The following FRMPD4 variants were observed in gnomAD, a reference collection of about 807,000 sequenced individuals.
The protein encoded by FRMPD4 is FERM and PDZ domain-containing protein 4.
In FRMPD4, 22 loss-of-function variants were observed where a neutral mutation model predicts 94.1. The observed-to-expected ratio is 0.23, with a 90% CI of 0.17 to 0.33. The LOEUF (loss-of-function observed/expected upper bound fraction) is 0.33, where lower values mean the gene tolerates loss of function less well. FRMPD4 is among the 10% of genes least tolerant of loss of function. The pLI is 1.00. For synonymous variants in FRMPD4, 631 were observed against 548.6 expected (o/e 1.15, Z -2.10); for missense variants, 1,111 against 1,339.9 (o/e 0.83, Z 2.67).
At chrX:12,490,366 G>A (rs1363934646) in intron 1 of FRMPD4, among the ~76,000 whole-genome samples, 1 of 110,775 alleles carries the variant, frequency 9.0e-6, no homozygotes, top group African/African-American at 3.3e-5. Context: ...TGGGGGACAC[G>A]CTCAAACCAT....
chrX:12,064,842 A>G (rs1437820953), intron 3 of FRMPD4, among the ~76,000 whole-genome samples: 2 of 112,304 alleles, frequency 1.8e-5, no homozygotes, highest in Admixed American at 9.5e-5. Context: ...TCAGTGGATT[A>G]ATATAACAGT....
chrX:12,322,190 T>C, intron 1 of FRMPD4, among the ~76,000 whole-genome samples: 1 of 111,847 alleles, frequency 8.9e-6, no homozygotes, highest in Non-Finnish European at 1.9e-5. Context: ...TTCTCTATCC[T>C]GGTCAGGAAA....
chrX:12,413,615 C>T (rs2056762634), intron 1 of FRMPD4, among the ~76,000 whole-genome samples: 2 of 112,148 alleles, frequency 1.8e-5, no homozygotes, highest in Middle Eastern at 4.6e-3. Context: ...AAGGAGTGCA[C>T]TCTGATGGAG....
intron 2 of FRMPD4, among the ~76,000 whole-genome samples, chrX:12,582,985 C>A (rs1189546327): frequency 8.9e-6 from 1 of 112,208 alleles, no homozygotes; most frequent in African/African-American, 3.2e-5. Flanking sequence ...AACTCGCCTG[C>A]CTTCCCTCTC....
chrX:12,715,232 C>A (rs2042057101), intron 14 of FRMPD4, among the ~76,000 whole-genome samples: 1 of 112,142 alleles, frequency 8.9e-6, no homozygotes, highest in Non-Finnish European at 1.9e-5. Context: ...GCTTGAAGAG[C>A]AAACAAAATA....
At chrX:11,949,056 G>A (rs1332906138) in intron 3 of FRMPD4, among the ~76,000 whole-genome samples, 1 of 112,127 alleles carries the variant, frequency 8.9e-6, no homozygotes, top group Non-Finnish European at 1.9e-5. Context: ...AAAGCTCCTA[G>A]AATCTTCTTC....
chrX:12,468,450 T>A (rs1166630259), intron 1 of FRMPD4, among the ~76,000 whole-genome samples: 1 of 111,533 alleles, frequency 9.0e-6, no homozygotes, highest in Non-Finnish European at 1.9e-5. Flanking sequence ...ATATCCCAAT[T>A]TGATGTTACC....
chrX:12,174,296 C>T (rs1215558467), intron 1 of FRMPD4, among the ~76,000 whole-genome samples: 1 of 111,458 alleles, frequency 9.0e-6, no homozygotes, highest in Non-Finnish European at 1.9e-5. Flanking sequence ...ATTTTTTCAA[C>T]CAATTAAAAG....
At chrX:12,364,873 T>C (rs73632681) in intron 1 of FRMPD4, among the ~76,000 whole-genome samples, 1,769 of 112,234 alleles carry the variant, frequency 0.016, 32 homozygotes, top group African/African-American at 0.054. Flanking sequence ...ATTGGTTGGT[T>C]GATTCCTTTC....
intron 3 of FRMPD4, among the ~76,000 whole-genome samples, chrX:12,004,886 T>C (rs1198455057): frequency 1.8e-5 from 2 of 111,044 alleles, no homozygotes; most frequent in Non-Finnish European, 1.9e-5. Flanking sequence ...TTGCATTATG[T>C]AGATCTTTAA....
At chrX:12,377,482 T>A (rs1358410435) in intron 1 of FRMPD4, among the ~76,000 whole-genome samples, 1 of 112,145 alleles carries the variant, frequency 8.9e-6, no homozygotes, top group East Asian at 2.8e-4. Flanking sequence ...CCTGTTTTCC[T>A]GGATCCTTTC....
intron 4 of FRMPD4, among the ~76,000 whole-genome samples, chrX:12,618,690 C>T (rs969962526): frequency 1.8e-5 from 2 of 110,956 alleles, no homozygotes; most frequent in African/African-American, 6.6e-5. Context: ...CGAATCACAA[C>T]CTCAAAATTT....
At chrX:12,644,553 C>T (rs1341657556) in intron 4 of FRMPD4, among the ~76,000 whole-genome samples, 1 of 111,262 alleles carries the variant, frequency 9.0e-6, no homozygotes, top group Non-Finnish European at 1.9e-5. Context: ...GGGAGTGTCT[C>T]TGAAGCAAGA....
chrX:12,074,851 T>C (rs1319359194), intron 3 of FRMPD4, among the ~76,000 whole-genome samples: 1 of 112,474 alleles, frequency 8.9e-6, no homozygotes, highest in African/African-American at 3.2e-5. Context: ...TGTTCAGAGA[T>C]ATTCTTTCCC....
At chrX:12,177,504 AC>A (rs1352679647) in intron 1 of FRMPD4, among the ~76,000 whole-genome samples, 3 of 112,459 alleles carry the variant, frequency 2.7e-5, no homozygotes, top group Non-Finnish European at 5.6e-5. Context: ...AATGAAGGTT[AC>A]TGCTTATATA....
chrX:11,949,032 A>G (rs2054206013), intron 3 of FRMPD4, among the ~76,000 whole-genome samples: 1 of 112,162 alleles, frequency 8.9e-6, no homozygotes, highest in African/African-American at 3.2e-5. Context: ...CTAGAATTTA[A>G]TGAGATGTTC....
intron 3 of FRMPD4, among the ~76,000 whole-genome samples, chrX:11,896,274 C>A (rs756563182): frequency 8.9e-6 from 1 of 112,280 alleles, no homozygotes; most frequent in Non-Finnish European, 1.9e-5. Flanking sequence ...CTTTTCACCC[C>A]CCGCAGTGCC....
Position 12,601,669 on chromosome X carries a change from TG to T in FRMPD4, c.159-8051del, listed in dbSNP as rs199774672. On this transcript the variant is annotated intron_variant, in intron 2 of 16. Transcript: ENST00000675598. ...GTTGGCAATTCAAATGTAATCATGT[TG>T]AATATTCACAAGTTCTGGGAATCTT... is the stretch of plus-strand genomic sequence containing the variant. 4.9e-3 allele frequency among the ~76,000 whole-genome samples: 554 copies of T among 112,466 alleles called. 3 individuals carry two copies. Among genetic ancestry groups the T allele is most frequent in the African/African-American group, 0.017 (531 of 31,016 alleles).
At chrX:12,506,662 T>A (rs1301536988) in intron 2 of FRMPD4, among the ~76,000 whole-genome samples, 2 of 112,807 alleles carry the variant, frequency 1.8e-5, no homozygotes, top group African/African-American at 6.4e-5. Flanking sequence ...CATCCTTGTA[T>A]GATGAAAGTT....
Sources: allele counts gnomAD v4.1 joint callset (sites outside exome capture counted in the v4.1 genomes callset), GRCh38; gene constraint gnomAD v4.1.1; transcripts MANE v1.5; gene names NCBI Gene and HGNC (gene_info 2026-07-23, HGNC 2026-07-21).